The following DDX60 variants were observed in gnomAD, a reference collection of about 807,000 sequenced individuals.
DDX60 encodes the protein DExD/H-box helicase 60.
DDX60 carries 165 observed loss-of-function variants against 212.8 expected under a neutral mutation model. That is an observed-to-expected ratio of 0.78 (90% CI 0.68 to 0.88). The LOEUF is 0.88. Among genes scored for constraint, DDX60 ranks in the 40% least tolerant of loss-of-function variants. The pLI, the probability that DDX60 is intolerant of heterozygous loss-of-function variation, is 0.00. For synonymous variants in DDX60, 703 were observed against 685.3 expected (o/e 1.03, Z -0.40); for missense variants, 1,905 against 2,003.9 (o/e 0.95, Z 0.94).
chr4:168,276,306 G>T lies in DDX60; in HGVS notation c.1979-125C>A, dbSNP rs182875370. On this transcript the variant is annotated intron_variant, in intron 14 of 37. Transcript: ENST00000393743. ...TGGCATTAGTGGAGGTTTTGGAGTA[G>T]AAAGGACCAAATAAAGTAAAATTGA... The T allele has an allele frequency of 2.4e-5, 17 of 694,214 alleles. No individual in the cohort carries two copies. In the East Asian group the frequency reaches 4.3e-4, roughly 17 times the overall value. 43.0% of individuals were successfully genotyped at this position (694,214 alleles called of 1,614,324 possible). A position where few individuals can be genotyped will look rare whatever the true frequency, so the allele number is the denominator to read the frequency against.
At chr4:168,288,708 T>TA (rs1004773089) in intron 8 of DDX60, among the ~76,000 whole-genome samples, 3 of 152,110 alleles carry the variant, frequency 2.0e-5, no homozygotes, top group Middle Eastern at 3.2e-3. Flanking sequence ...AAAGAGCATT[T>TA]AAAAAAATGT....
intron 6 of DDX60, among the ~76,000 whole-genome samples, chr4:168,294,276 C>T (rs1207970896): frequency 6.6e-6 from 1 of 152,064 alleles, no homozygotes; most frequent in Non-Finnish European, 1.5e-5. Context: ...GGATTAAAGA[C>T]TTACATACAA....
upstream of DDX60, among the ~76,000 whole-genome samples, chr4:168,320,266 C>G (rs1355849188): frequency 6.6e-6 from 1 of 152,112 alleles, no homozygotes; most frequent in Non-Finnish European, 1.5e-5. Flanking sequence ...ACCCCTTACC[C>G]GGGATTATCC....
At chr4:168,237,490 A>T in intron 31 of DDX60, 63 bp from the exon 32 acceptor site, 3 of 1,421,778 alleles carry the variant, frequency 2.1e-6, no homozygotes, top group Non-Finnish European at 2.8e-6. Flanking sequence ...TAACTTATTA[A>T]GTACCAGTTT....
At chr4:168,325,466 A>G in the DDX60 span, among the ~76,000 whole-genome samples, 2 of 152,220 alleles carry the variant, frequency 1.3e-5, no homozygotes, top group East Asian at 3.8e-4. Context: ...TCAGAAATAA[A>G]CCTATGGTAT....
intron 19 of DDX60, among the ~76,000 whole-genome samples, chr4:168,270,937 G>C (rs1735069634): frequency 6.9e-6 from 1 of 145,960 alleles, no homozygotes; most frequent in South Asian, 2.2e-4. Context: ...GAGTGCAGTG[G>C]TACGATCTTG....
chr4:168,255,366 T>C (rs539978755), intron 26 of DDX60, among the ~76,000 whole-genome samples: 7 of 152,314 alleles, frequency 4.6e-5, no homozygotes, highest in African/African-American at 1.7e-4. Flanking sequence ...AGTCTATATT[T>C]AAACCTTCTG....
At chr4:168,315,395 C>G (rs761299904) in intron 1 of DDX60, among the ~76,000 whole-genome samples, 80 of 152,180 alleles carry the variant, frequency 5.3e-4, no homozygotes, top group Non-Finnish European at 1.0e-3. Context: ...TCTAAGAAGT[C>G]ATAAATTTCA....
chr4:168,246,976 C>T (rs961416788), intron 29 of DDX60, among the ~76,000 whole-genome samples: 7 of 152,176 alleles, frequency 4.6e-5, no homozygotes, highest in African/African-American at 9.7e-5. Flanking sequence ...TTTTCTCTCC[C>T]GGCCCATCTT....
At chr4:168,240,918 A>T (rs1472980676) in intron 30 of DDX60, among the ~76,000 whole-genome samples, 1 of 152,204 alleles carries the variant, frequency 6.6e-6, no homozygotes, top group Non-Finnish European at 1.5e-5. Context: ...CTGTGTACCC[A>T]CCCAAATCTC....
chr4:168,319,789 C>T (rs1159719420), upstream of DDX60, among the ~76,000 whole-genome samples: 1 of 152,124 alleles, frequency 6.6e-6, no homozygotes, highest in Non-Finnish European at 1.5e-5. Flanking sequence ...TAAGAAGCCA[C>T]AGGCTGCTTT....
chr4:168,241,272 A>C (rs1268751375), intron 30 of DDX60, among the ~76,000 whole-genome samples: 1 of 151,838 alleles, frequency 6.6e-6, no homozygotes, highest in Non-Finnish European at 1.5e-5. Context: ...TAATACAGTA[A>C]GTTGGTACCA....
chr4:168,264,979 T>C (rs477384), intron 22 of DDX60, among the ~76,000 whole-genome samples: 6,089 of 152,272 alleles, frequency 0.04, 259 homozygotes, highest in African/African-American at 0.11. Flanking sequence ...CCTAATGTCA[T>C]AGGTGACGGT....
upstream of DDX60, among the ~76,000 whole-genome samples, chr4:168,319,866 T>C (rs1737560721): frequency 6.6e-6 from 1 of 151,852 alleles, no homozygotes; most frequent in Admixed American, 6.6e-5. Flanking sequence ...ACAGAGAGAG[T>C]AGTGAATGAT....
chr4:168,323,102 T>A (rs1485263747), upstream of DDX60, among the ~76,000 whole-genome samples: 1 of 152,148 alleles, frequency 6.6e-6, no homozygotes, highest in African/African-American at 2.4e-5. Context: ...CAAAGCAGCC[T>A]CAACTTTCAC....
chr4:168,311,318 CT>C lies in DDX60; in HGVS notation c.-60del. 1 of 1,596,950 alleles carries C rather than the reference CT, an allele frequency of 6.3e-7. No homozygotes were observed. Among genetic ancestry groups the C allele is most frequent in the Non-Finnish European group, 8.5e-7 (1 of 1,169,728 alleles). Reference sequence around the variant, plus strand: ...GCAAGTATTAAAGGTAGCAAATACCCTTTATTTTGGTACCTCTAAGTGGCAG... The same window carrying C: ...GCAAGTATTAAAGGTAGCAAATACCCTTATTTTGGTACCTCTAAGTGGCAG... On this transcript the variant is annotated 5_prime_UTR_variant, in exon 2 of 38. Coordinates refer to ENST00000393743, the MANE Select transcript of DDX60 (RefSeq NM_017631.6).
At chr4:168,217,962 G>T (rs1732910923) in intron 37 of DDX60, among the ~76,000 whole-genome samples, 1 of 152,162 alleles carries the variant, frequency 6.6e-6, no homozygotes, top group Non-Finnish European at 1.5e-5. Flanking sequence ...TAGGTTTGTG[G>T]TAATTTGTTG....
At chr4:168,252,767 C>A in intron 26 of DDX60, 111 bp from the exon 27 acceptor site, 1 of 702,598 alleles carries the variant, frequency 1.4e-6, no homozygotes, top group Non-Finnish European at 2.3e-6. Flanking sequence ...AGTCTTCTCA[C>A]CCAGACTTCC....
intron 21 of DDX60, 34 bp downstream of exon 21, chr4:168,267,807 A>G: frequency 6.4e-7 from 1 of 1,562,182 alleles, no homozygotes; most frequent in Non-Finnish European, 8.7e-7. Context: ...TAATAAAATA[A>G]AAGGCAAGCT....
Sources: gnomAD v4.1 joint callset for allele counts (sites outside exome capture counted in the v4.1 genomes callset) on GRCh38, gnomAD v4.1.1 for gene constraint, MANE v1.5 for transcripts, NCBI Gene and HGNC (gene_info 2026-07-23, HGNC 2026-07-21) for gene names.